Variants in CDKN2B-AS1 observed in about 807,000 individuals in gnomAD.
CDKN2B-AS1 encodes the protein CDKN2B and CDKN2A antisense cis and trans regulatory RNA 1.
intron 4 of CDKN2B-AS1, among the ~76,000 whole-genome samples, chr9:22,097,865 G>C (rs1326510012): frequency 1.3e-5 from 2 of 152,184 alleles, no homozygotes; most frequent in Non-Finnish European, 2.9e-5. Flanking sequence ...ACCCTGGCCT[G>C]ATATAAAAGG....
At chr9:22,036,995 C>T (rs1426195233) in intron 1 of CDKN2B-AS1, among the ~76,000 whole-genome samples, 3 of 152,062 alleles carry the variant, frequency 2.0e-5, no homozygotes, top group Non-Finnish European at 4.4e-5. Context: ...TGCATTCTTT[C>T]TCCCCTTCTC....
At chr9:22,090,404 C>G (rs1825036746) in intron 4 of CDKN2B-AS1, among the ~76,000 whole-genome samples, 1 of 152,208 alleles carries the variant, frequency 6.6e-6, no homozygotes, top group Non-Finnish European at 1.5e-5. Flanking sequence ...AATCGACACA[C>G]TGACTTCCAC....
intron 1 of CDKN2B-AS1, among the ~76,000 whole-genome samples, chr9:22,010,162 T>A (rs1049905855): frequency 3.3e-5 from 5 of 152,028 alleles, no homozygotes; most frequent in African/African-American, 1.2e-4. Flanking sequence ...AAGAGAGGGG[T>A]GTGGTGCTGG....
chr9:22,045,038 TTGTG>T (rs3028395), intron 1 of CDKN2B-AS1, among the ~76,000 whole-genome samples: 98 of 141,954 alleles, frequency 6.9e-4, no homozygotes, highest in South Asian at 3.2e-3. Flanking sequence ...TATTATTTAT[TTGTG>T]TGTGTGTGTG....
At chr9:22,105,668 A>C (rs1825634028) in intron 4 of CDKN2B-AS1, among the ~76,000 whole-genome samples, 1 of 152,162 alleles carries the variant, frequency 6.6e-6, no homozygotes, top group Non-Finnish European at 1.5e-5. Context: ...AGGTGGTTAT[A>C]AGAGCCTGTC....
chr9:22,116,287 A>T (rs1490548760), intron 4 of CDKN2B-AS1, among the ~76,000 whole-genome samples: 1 of 152,216 alleles, frequency 6.6e-6, no homozygotes, highest in Non-Finnish European at 1.5e-5. Context: ...GTAGGTATGG[A>T]GATGAGCCAG....
Position 22,009,420 on chromosome 9 carries a change from C to G in CDKN2B-AS1, n.29+14259C>G, listed in dbSNP as rs199656331. ...TGATCGCCGGGAGGCCAGGCCCGGG[C>G]CGACGCGTCACGAGGGCGGGGAAGC... On this transcript the variant is annotated intron_variant and non_coding_transcript_variant, in intron 1 of 4. Coordinates refer to ENST00000650946, the Ensembl canonical transcript of CDKN2B-AS1. The G allele has an allele frequency of 3.2e-4, 95 of 298,860 alleles. 1 individual carries two copies. The South Asian group carries it at 5.0e-3, about 16-fold the overall frequency. The allele number at this position is 298,860 out of a possible 1,614,324, so 18.5% of individuals were successfully genotyped here. A position where few individuals can be genotyped will look rare whatever the true frequency, so the allele number is the denominator to read the frequency against.
intron 4 of CDKN2B-AS1, chr9:22,119,350 C>T (rs984426202): frequency 1.3e-5 from 2 of 152,118 alleles, no homozygotes; most frequent in Middle Eastern, 3.2e-3. Flanking sequence ...TTTTATGCTA[C>T]TTCCTTTGAA....
At chr9:22,061,909 A>G (rs1823838449) in intron 4 of CDKN2B-AS1, 1 of 152,188 alleles carries the variant, frequency 6.6e-6, no homozygotes, top group African/African-American at 2.4e-5. Context: ...CTGACATTAA[A>G]TACTAAAAAA....
intron 3 of CDKN2B-AS1, among the ~76,000 whole-genome samples, chr9:22,052,392 G>A (rs569664206): frequency 6.6e-6 from 1 of 152,108 alleles, no homozygotes; most frequent in African/African-American, 2.4e-5. Flanking sequence ...CTTAAAAAAG[G>A]ACAATGATAA....
At chr9:22,105,686 A>C (rs1022323867) in intron 4 of CDKN2B-AS1, among the ~76,000 whole-genome samples, 1 of 152,194 alleles carries the variant, frequency 6.6e-6, no homozygotes, top group Non-Finnish European at 1.5e-5. Flanking sequence ...GTCCAGGTTC[A>C]GTAGGGAGCA....
chr9:22,018,656 A>G (rs747863081), intron 1 of CDKN2B-AS1, among the ~76,000 whole-genome samples: 40 of 152,202 alleles, frequency 2.6e-4, no homozygotes, highest in Non-Finnish European at 4.1e-4. Flanking sequence ...TCATCTAAAA[A>G]CAAACAAAGA....
chr9:22,119,515 A>G (rs192682785), intron 4 of CDKN2B-AS1: 4 of 152,340 alleles, frequency 2.6e-5, no homozygotes, highest in Admixed American at 2.0e-4. Context: ...CAAGGAAGAA[A>G]AAAAGGGTCA....
rs544145698 is a variant in CDKN2B-AS1 at position 22,009,292 on chromosome 9, C to G, written n.29+14131C>G. Reference sequence around the variant, plus strand: ...TCGCGGAGTCCTCACTGCCCCGCCTCGCTCTGGCAGAGTGGGGAGCCAGCC... The same window carrying G: ...TCGCGGAGTCCTCACTGCCCCGCCTGGCTCTGGCAGAGTGGGGAGCCAGCC... On this transcript the variant is annotated intron_variant and non_coding_transcript_variant, in intron 1 of 4. Coordinates refer to ENST00000650946, the Ensembl canonical transcript of CDKN2B-AS1. 2.9e-4 allele frequency: 135 copies of G among 469,176 alleles called. 1 individual carries two copies. In the South Asian group the frequency reaches 3.2e-3, roughly 11 times the overall value. The allele number at this position is 469,176 out of a possible 1,614,324, so 29.1% of individuals were successfully genotyped here. A position where few individuals can be genotyped will look rare whatever the true frequency, so the allele number is the denominator to read the frequency against.
chr9:22,092,936 T>C (rs930550406), intron 4 of CDKN2B-AS1, among the ~76,000 whole-genome samples: 3 of 152,206 alleles, frequency 2.0e-5, no homozygotes, highest in Non-Finnish European at 4.4e-5. Flanking sequence ...TTTTAGATCT[T>C]TGCTCCTTTC....
chr9:21,994,851 T>A, upstream of CDKN2B-AS1: 1 of 161,052 alleles, frequency 6.2e-6, no homozygotes, highest in Non-Finnish European at 1.4e-5. Context: ...CGGATTCTGG[T>A]GCTGCTCGCG....
chr9:22,018,579 C>T (rs1343909708), intron 1 of CDKN2B-AS1, among the ~76,000 whole-genome samples: 1 of 152,150 alleles, frequency 6.6e-6, no homozygotes, highest in African/African-American at 2.4e-5. Context: ...ATCGCTTGAA[C>T]CTGGGAGGCA....
chr9:21,998,813 A>G (rs554060069), intron 1 of CDKN2B-AS1, among the ~76,000 whole-genome samples: 1 of 152,338 alleles, frequency 6.6e-6, no homozygotes, highest in East Asian at 1.9e-4. Context: ...ATTTCATGAG[A>G]AACTTTCCTA....
chr9:22,056,247 T>TTTTTTTTTTTTTTTTTTTTTTC (rs397743274), intron 3 of CDKN2B-AS1: 5 of 132,682 alleles, frequency 3.8e-5, no homozygotes, highest in Admixed American at 7.5e-5. Context: ...TTTTTTTTTT[T>TTTTTTTTTTTTTTTTTTTTTTC]CCAGTAGAGA....
Sources: gnomAD v4.1 joint callset for allele counts (sites outside exome capture counted in the v4.1 genomes callset) on GRCh38, gnomAD v4.1.1 for gene constraint, MANE v1.5 for transcripts, NCBI Gene and HGNC (gene_info 2026-07-23, HGNC 2026-07-21) for gene names.